Variants in ZCWPW2 observed in about 807,000 individuals in gnomAD.
ZCWPW2 encodes the protein zinc finger CW-type and PWWP domain containing 2, also known as zinc finger CW-type PWWP domain protein 2.
Under a neutral mutation model 46.6 loss-of-function variants are expected in ZCWPW2, and 45 were observed. The ratio of observed to expected loss-of-function variants is 0.96; its 90% CI spans 0.76 to 1.24. The LOEUF is 1.24. ZCWPW2 is among the 50% of genes most tolerant of loss of function. ZCWPW2 has a pLI of 0.00. For missense variants in ZCWPW2, 429 were observed against 403.9 expected, an observed-to-expected ratio of 1.06 and a Z score of -0.53; for synonymous variants, 152 against 137.1, an observed-to-expected ratio of 1.11 and a Z score of -0.76.
At chr3:28,391,281 G>A (rs1325409034) in intron 2 of ZCWPW2, among the ~76,000 whole-genome samples, 1 of 151,918 alleles carries the variant, frequency 6.6e-6, no homozygotes, top group Non-Finnish European at 1.5e-5. Flanking sequence ...AGAGGATATA[G>A]CAGGCAGTCA....
chr3:28,462,276 A>G (rs1698668944), intron 4 of ZCWPW2, among the ~76,000 whole-genome samples: 1 of 152,222 alleles, frequency 6.6e-6, no homozygotes. Flanking sequence ...GAATAGCACC[A>G]TGGTATACCC....
At chr3:28,516,440 A>G (rs1559536993) in intron 8 of ZCWPW2, among the ~76,000 whole-genome samples, 1 of 152,082 alleles carries the variant, frequency 6.6e-6, no homozygotes, top group African/African-American at 2.4e-5. Flanking sequence ...CTTCCAACTA[A>G]ATTGTCGTTG....
intron 5 of ZCWPW2, among the ~76,000 whole-genome samples, chr3:28,483,117 A>T (rs1699486189): frequency 6.6e-6 from 1 of 152,070 alleles, no homozygotes; most frequent in Non-Finnish European, 1.5e-5. Flanking sequence ...TAGGAGTTTT[A>T]TAATTTTGCA....
intron 4 of ZCWPW2, among the ~76,000 whole-genome samples, chr3:28,448,333 T>G (rs145942633): frequency 1.9e-3 from 292 of 152,230 alleles, no homozygotes; most frequent in African/African-American, 6.6e-3. Flanking sequence ...TGATTCCATT[T>G]ACAATGGCAT....
chr3:28,376,846 A>G (rs149347998), intron 1 of ZCWPW2, among the ~76,000 whole-genome samples: 3,352 of 152,196 alleles, frequency 0.022, 68 homozygotes, highest in Non-Finnish European at 0.03. Context: ...TGTAATTTTA[A>G]TGGAAGGAAA....
chr3:28,442,403 G>A (rs909523855), intron 4 of ZCWPW2, among the ~76,000 whole-genome samples: 1 of 151,898 alleles, frequency 6.6e-6, no homozygotes, highest in Non-Finnish European at 1.5e-5. Flanking sequence ...AGTCCAGTGT[G>A]TTTGCTACTT....
intron 1 of ZCWPW2, among the ~76,000 whole-genome samples, chr3:28,375,103 G>T: frequency 6.7e-6 from 1 of 149,484 alleles, no homozygotes. Flanking sequence ...TCTCTTTTTA[G>T]TCTTTGATTT....
intron 1 of ZCWPW2, among the ~76,000 whole-genome samples, chr3:28,382,629 T>C (rs1695146062): frequency 6.6e-6 from 1 of 152,152 alleles, no homozygotes; most frequent in African/African-American, 2.4e-5. Flanking sequence ...CTTTTATTGG[T>C]TATTTTCTCC....
intron 1 of ZCWPW2, among the ~76,000 whole-genome samples, chr3:28,352,653 T>C (rs1202773346): frequency 6.6e-6 from 1 of 152,082 alleles, no homozygotes; most frequent in Non-Finnish European, 1.5e-5. Flanking sequence ...CATACCCATG[T>C]GTGATTTTTG....
At chr3:28,363,244 T>C (rs75060935) in intron 1 of ZCWPW2, among the ~76,000 whole-genome samples, 2,352 of 152,018 alleles carry the variant, frequency 0.015, 65 homozygotes, top group African/African-American at 0.054. Context: ...AATAACAAAA[T>C]AACTGATATC....
chr3:28,453,972 G>A (rs1358629115), intron 4 of ZCWPW2, among the ~76,000 whole-genome samples: 1 of 151,466 alleles, frequency 6.6e-6, no homozygotes, highest in Non-Finnish European at 1.5e-5. Flanking sequence ...AGCCTCCCGA[G>A]TATCTGGGAC....
At chr3:28,459,598 C>T (rs1698552323) in intron 4 of ZCWPW2, among the ~76,000 whole-genome samples, 1 of 152,104 alleles carries the variant, frequency 6.6e-6, no homozygotes, top group South Asian at 2.1e-4. Context: ...CTGAAGAAGC[C>T]AGGAAAATCT....
intron 5 of ZCWPW2, among the ~76,000 whole-genome samples, chr3:28,490,654 A>C (rs998302901): frequency 6.6e-6 from 1 of 152,066 alleles, no homozygotes; most frequent in Non-Finnish European, 1.5e-5. Flanking sequence ...AACAATAGGC[A>C]CTGGGGCCTA....
chr3:28,471,211 T>G (rs1157231366), intron 4 of ZCWPW2, among the ~76,000 whole-genome samples: 1 of 152,144 alleles, frequency 6.6e-6, no homozygotes, highest in African/African-American at 2.4e-5. Context: ...ACTGAAACTA[T>G]TCCAAAAAAT....
intron 1 of ZCWPW2, among the ~76,000 whole-genome samples, chr3:28,380,465 A>G (rs1341407234): frequency 1.3e-5 from 2 of 152,170 alleles, no homozygotes; most frequent in Admixed American, 1.3e-4. Flanking sequence ...AATTTGTTTT[A>G]TCCATTTCCT....
At position 28,401,157 on chromosome 3, in the gene ZCWPW2, C is replaced by T. The variant is rs188174316; in HGVS notation, c.-14+10540C>T. 5.5e-3 allele frequency among the ~76,000 whole-genome samples: 833 copies of T among 150,348 alleles called. 3 individuals are homozygous for T. Among genetic ancestry groups the T allele is most frequent in the Middle Eastern group, 0.01 (3 of 290 alleles). On this transcript the variant is annotated intron_variant, in intron 2 of 9. Coordinates refer to ENST00000383768, the MANE Select transcript of ZCWPW2 (RefSeq NM_001040432.4). ...TTGCACCCCTGCACTCCAGCCTGGG[C>T]GACGAGCAAGACTCCATCTCAAAAA...
rs150322873 is a variant in ZCWPW2 at position 28,520,971 on chromosome 3, G to C, written c.785-21G>C. 1.9e-6 allele frequency: 3 copies of C among 1,612,312 alleles called. No individual in the cohort carries two copies. In the South Asian group the frequency reaches 3.3e-5, roughly 18 times the overall value. ...TTAAGTGAGATGTAGCATTTTTACT[G>C]TATTAATCCTGTTTTTTTAGTTGTC... On this transcript the variant is annotated intron_variant, in intron 8 of 9. Transcript: ENST00000383768.
At chr3:28,413,878 T>C (rs1468386529) in intron 3 of ZCWPW2, among the ~76,000 whole-genome samples, 1 of 152,160 alleles carries the variant, frequency 6.6e-6, no homozygotes, top group Non-Finnish European at 1.5e-5. Context: ...TGGCATATCT[T>C]ATTAATGTTT....
At chr3:28,367,671 C>T (rs1705171914) in intron 1 of ZCWPW2, among the ~76,000 whole-genome samples, 1 of 152,102 alleles carries the variant, frequency 6.6e-6, no homozygotes, top group Admixed American at 6.5e-5. Flanking sequence ...CCGCTTGGTG[C>T]AGAGCTGAGT....
Sources: gnomAD v4.1 joint callset for allele counts (sites outside exome capture counted in the v4.1 genomes callset) on GRCh38, gnomAD v4.1.1 for gene constraint, MANE v1.5 for transcripts, NCBI Gene and HGNC (gene_info 2026-07-23, HGNC 2026-07-21) for gene names.